The following UBA6 variants were observed in gnomAD, a reference collection of about 807,000 sequenced individuals.
The protein encoded by UBA6 is ubiquitin like modifier activating enzyme 6, also known as ubiquitin-like modifier-activating enzyme 6.
Under a neutral mutation model 148.3 loss-of-function variants are expected in UBA6, and 87 were observed. That is an observed-to-expected ratio of 0.59 (90% confidence interval 0.49 to 0.70). The LOEUF (loss-of-function observed/expected upper bound fraction) is 0.70. Ranked by LOEUF, UBA6 falls within the 30% of genes least tolerant of loss-of-function variation. The pLI is 0.00. For missense variants in UBA6, 1,186 were observed against 1,241.2 expected (o/e 0.96, Z 0.67); for synonymous variants, 376 against 401.0 (o/e 0.94, Z 0.75).
At chr4:67,688,702 G>A (rs1730626945) in intron 2 of UBA6, among the ~76,000 whole-genome samples, 1 of 151,776 alleles carries the variant, frequency 6.6e-6, no homozygotes, top group Non-Finnish European at 1.5e-5. Context: ...TGTTCAACTG[G>A]GTACTAAAAT....
At chr4:67,626,509 T>G in intron 27 of UBA6, 32 bp from the exon 28 acceptor site, 2 of 1,351,274 alleles carry the variant, frequency 1.5e-6, no homozygotes, top group Non-Finnish European at 2.1e-6. Flanking sequence ...TTTATTAATG[T>G]TATCATTTCC....
Position 67,631,697 on chromosome 4 carries a change from T to C in UBA6, c.2258+11A>G, listed in dbSNP as rs1260183904. The C allele has an allele frequency of 2.5e-6, 4 of 1,589,166 alleles. No individual in the cohort carries two copies. Among genetic ancestry groups the C allele is most frequent in the Non-Finnish European group, 3.4e-6 (4 of 1,163,994 alleles). On this transcript the variant is annotated intron_variant, in intron 25 of 32. Coordinates refer to ENST00000322244, the MANE Select transcript of UBA6 (RefSeq NM_018227.6). The stretch of plus-strand genomic sequence containing the variant: ...AATGAAGGATACATAAAACTAAATA[T>C]AAATACTTACAAAGGCTCATTTAAA...
At chr4:67,692,309 GAAGA>G (rs1730713006) in intron 2 of UBA6, among the ~76,000 whole-genome samples, 1 of 152,120 alleles carries the variant, frequency 6.6e-6, no homozygotes. Flanking sequence ...TTTTAATGTA[GAAGA>G]AAGTGCTCTA....
intron 1 of UBA6, among the ~76,000 whole-genome samples, chr4:67,698,414 T>C (rs908061490): frequency 2.0e-5 from 3 of 152,242 alleles, no homozygotes; most frequent in Non-Finnish European, 4.4e-5. Context: ...GTGCTACATA[T>C]TTAAGTGCTT....
chr4:67,654,496 T>C (rs1356728052), intron 13 of UBA6, among the ~76,000 whole-genome samples: 1 of 152,136 alleles, frequency 6.6e-6, no homozygotes, highest in Admixed American at 6.5e-5. Context: ...CTGAGAGATT[T>C]TGTCACCACC....
intron 32 of UBA6, 96 bp downstream of exon 32, chr4:67,622,735 A>G: frequency 1.2e-6 from 1 of 847,914 alleles, no homozygotes; most frequent in East Asian, 2.7e-5. Context: ...TAATGCTTTT[A>G]TCTGAATTAT....
chr4:67,653,551 A>G (rs1729609543), intron 13 of UBA6, among the ~76,000 whole-genome samples: 1 of 152,166 alleles, frequency 6.6e-6, no homozygotes, highest in South Asian at 2.1e-4. Flanking sequence ...CAAAGACCAA[A>G]AGTAGGTAAA....
In UBA6 at chr4:67,668,493, T is replaced by C. The variant is rs1577825409; in HGVS notation, c.793+58A>G. The C allele has an allele frequency of 6.0e-6, 9 of 1,511,696 alleles. No homozygotes were observed. The East Asian group carries it at 2.0e-4, about 34-fold the overall frequency. The allele number at this position is 1,511,696 out of a possible 1,614,324, so 93.6% of individuals were successfully genotyped here. ...GACATTCTGTTCCCAACACTTAGTG[T>C]CTGAACTATAAATTTGCTGAATAAG... is the stretch of plus-strand genomic sequence containing the variant. On this transcript the variant is annotated intron_variant, in intron 9 of 32. Coordinates refer to ENST00000322244, the MANE Select transcript of UBA6 (RefSeq NM_018227.6).
chr4:67,679,525 T>C (rs1730379584), intron 4 of UBA6, among the ~76,000 whole-genome samples: 1 of 152,098 alleles, frequency 6.6e-6, no homozygotes, highest in Non-Finnish European at 1.5e-5. Flanking sequence ...TTAATTTGCC[T>C]GCCAAATCCA....
At chr4:67,678,617 C>A in intron 4 of UBA6, 84 bp from the exon 5 acceptor site, 2 of 584,998 alleles carry the variant, frequency 3.4e-6, no homozygotes, top group South Asian at 3.4e-5. Flanking sequence ...TGTACTAGAA[C>A]TATTATTTTG....
chr4:67,696,485 A>T lies in UBA6; in HGVS notation c.134+160T>A, dbSNP rs1482671231. Among the ~76,000 whole-genome samples, 1 of 150,616 alleles carries T rather than the reference A, an allele frequency of 6.6e-6. No individual in the cohort carries two copies. The highest frequency in any genetic ancestry group is 1.5e-5 in the Non-Finnish European group (1 of 67,712). Reference sequence around the variant, plus strand: ...CATATACATATATACACATATATACACACACATATATATACACACATACAT... The same window carrying T: ...CATATACATATATACACATATATACTCACACATATATATACACACATACAT... On this transcript the variant is annotated intron_variant, in intron 2 of 32. Transcript: ENST00000322244.
rs1728942196 is a variant in UBA6 at position 67,629,262 on chromosome 4, G to A, written c.2329-120C>T. 1.7e-5 allele frequency: 11 copies of A among 661,004 alleles called. No individual in the cohort carries two copies. The Admixed American group carries it at 2.6e-4, about 16-fold the overall frequency. The allele number at this position is 661,004 out of a possible 1,614,324, so 40.9% of individuals were successfully genotyped here. A position where few individuals can be genotyped will look rare whatever the true frequency, so the allele number is the denominator to read the frequency against. ...TATGAATATTTCATTATCTGAATAT[G>A]TAGACATCCATTTGAGACATTTATC... On this transcript the variant is annotated intron_variant, in intron 26 of 32. Coordinates refer to ENST00000322244, the MANE Select transcript of UBA6 (RefSeq NM_018227.6).
Position 67,613,010 on chromosome 4 carries a change from C to T in UBA6, c.*5987G>A, listed in dbSNP as rs1443099880. ...AGGGGCTAAAGATTCAAAAAGAGTC[C>T]AGGGTCAGTGAAGAGGTAAGGGCCT... On this transcript the variant is annotated 3_prime_UTR_variant, in exon 33 of 33. Coordinates refer to ENST00000322244, the MANE Select transcript of UBA6 (RefSeq NM_018227.6). 6.6e-6 allele frequency: 1 copy of T among 152,140 alleles called. No homozygotes were observed. The highest frequency in any genetic ancestry group is 2.4e-5 in the African/African-American group (1 of 41,428). 9.4% of individuals were successfully genotyped at this position (152,140 alleles called of 1,614,324 possible).
rs1729429670 is a variant in UBA6 at position 67,646,740 on chromosome 4, C to T, written c.1300G>A (p.Glu434Lys). The change falls in exon 15 of 33, where the codon GAA becomes AAA. Residue 434 changes from glutamate (E) to lysine (K), a missense_variant. Coordinates refer to ENST00000322244, the MANE Select transcript of UBA6 (RefSeq NM_018227.6). ...IVESLGKPEC[E>K]EFLPRGDRYD... ...CATTATTACCGTGGGAGAAATTCTTCACATTCAGGTTTGCCTAGTGATTCA... is the reference window on the plus strand; with the variant it reads ...CATTATTACCGTGGGAGAAATTCTTTACATTCAGGTTTGCCTAGTGATTCA... 6.2e-7 allele frequency: 1 copy of T among 1,605,112 alleles called. No individual in the cohort carries two copies. The highest frequency in any genetic ancestry group is 8.5e-7 in the Non-Finnish European group (1 of 1,176,314).
Position 67,617,396 on chromosome 4 carries a change from T to C in UBA6, c.*1601A>G, listed in dbSNP as rs566645588. On this transcript the variant is annotated 3_prime_UTR_variant, in exon 33 of 33. Coordinates refer to ENST00000322244, the MANE Select transcript of UBA6 (RefSeq NM_018227.6). Reference sequence around the variant, plus strand: ...AGTTTTAAATATGACACTTGGGATATGCACAATGGGAAAGGGTAGGATATG... The same window carrying C: ...AGTTTTAAATATGACACTTGGGATACGCACAATGGGAAAGGGTAGGATATG... The C allele has an allele frequency of 7.2e-5, 11 of 152,274 alleles. No homozygotes were observed. The South Asian group carries it at 1.2e-3, about 17-fold the overall frequency. 9.4% of individuals were successfully genotyped at this position (152,274 alleles called of 1,614,324 possible). A position where few individuals can be genotyped will look rare whatever the true frequency, so the allele number is the denominator to read the frequency against.
chr4:67,662,153 A>G (rs1310753015), intron 13 of UBA6, 36 bp downstream of exon 13: 2 of 1,595,356 alleles, frequency 1.3e-6, no homozygotes, highest in Non-Finnish European at 1.7e-6. Context: ...GTATTAACAA[A>G]CAAATATTCG....
chr4:67,646,362 T>C (rs1729421581), intron 15 of UBA6, among the ~76,000 whole-genome samples: 1 of 152,198 alleles, frequency 6.6e-6, no homozygotes, highest in African/African-American at 2.4e-5. Flanking sequence ...ATTTGGGTTA[T>C]GTGTATTTTA....
At chr4:67,633,550 T>C (rs1383546707) in intron 22 of UBA6, 77 bp from the exon 23 acceptor site, 34 of 1,354,332 alleles carry the variant, frequency 2.5e-5, no homozygotes, top group Non-Finnish European at 3.1e-5. Context: ...AAAGTTAGCC[T>C]AAGTTTGAAG....
At chr4:67,654,546 T>C (rs906734451) in intron 13 of UBA6, among the ~76,000 whole-genome samples, 1 of 151,604 alleles carries the variant, frequency 6.6e-6, no homozygotes, top group African/African-American at 2.4e-5. Flanking sequence ...GGCACAAACA[T>C]GGAAAGGAAT....
Sources: allele counts gnomAD v4.1 joint callset (sites outside exome capture counted in the v4.1 genomes callset), GRCh38; gene constraint gnomAD v4.1.1; transcripts MANE v1.5; gene names NCBI Gene and HGNC (gene_info 2026-07-23, HGNC 2026-07-21).